IFI35: variants seen among roughly 807,000 people sequenced by gnomAD.
The protein encoded by IFI35 is interferon induced protein 35.
IFI35 carries 30 observed loss-of-function variants against 28.6 expected under a neutral mutation model. The observed-to-expected ratio is 1.05, with a 90% CI of 0.79 to 1.43. The LOEUF is 1.43. Ranked by LOEUF, IFI35 falls within the 40% of genes most tolerant of loss-of-function variation. IFI35 has a pLI of 0.00. For missense variants in IFI35, 372 were observed against 356.9 expected (o/e 1.04, Z -0.34); for synonymous variants, 146 against 154.8 (o/e 0.94, Z 0.42).
chr17:43,011,473 C>A (rs1312542297), intron 1 of IFI35, among the ~76,000 whole-genome samples: 1 of 151,820 alleles, frequency 6.6e-6, no homozygotes, highest in Non-Finnish European at 1.5e-5. Flanking sequence ...GAGCCAAGAT[C>A]GCGCCACTGC....
intron 5 of IFI35, 42 bp downstream of exon 5, chr17:43,013,704 G>A (rs1253053442): frequency 3.7e-6 from 6 of 1,611,002 alleles, no homozygotes; most frequent in Non-Finnish European, 5.1e-6. Context: ...AGGGTATAGG[G>A]TGTGCAAGAT....
At position 43,007,847 on chromosome 17, in the gene IFI35, TTATATATA is replaced by T. The variant is rs68028192; in HGVS notation, c.21+898_21+905del. ...TCTCACACACACACACACACAAAATTTATATATATATATATATATATATATACTATAAG... is the reference window on the plus strand; with the variant it reads ...TCTCACACACACACACACACAAAATTTATATATATATATATATACTATAAG... On this transcript the variant is annotated intron_variant, in intron 1 of 6. Coordinates refer to ENST00000415816, the MANE Select transcript of IFI35 (RefSeq NM_001330230.2). Among the ~76,000 whole-genome samples the T allele has an allele frequency of 1.1e-4, 13 of 119,034 alleles. 1 individual carries two copies. Among genetic ancestry groups the T allele is most frequent in the African/African-American group, 4.2e-4 (11 of 25,982 alleles). 78.1% of individuals were successfully genotyped at this position (119,034 alleles called of 152,430 possible).
chr17:43,009,237 G>A (rs972020322), intron 1 of IFI35, among the ~76,000 whole-genome samples: 3 of 152,104 alleles, frequency 2.0e-5, no homozygotes, highest in Admixed American at 2.0e-4. Flanking sequence ...GGGCTCAAGC[G>A]ATCTGCCTCC....
rs1198265681 is a variant in IFI35 at position 43,011,971 on chromosome 17, C to T, written c.22-208C>T. ...TCATGGACGCTGCAAAGGCTCCTGC[C>T]CTTTCAAGAGCAGCTGAGATGAGGC... On this transcript the variant is annotated intron_variant, in intron 1 of 6. Coordinates refer to ENST00000415816, the MANE Select transcript of IFI35 (RefSeq NM_001330230.2). The T allele has an allele frequency of 5.0e-5, 20 of 396,866 alleles. No homozygotes were observed. The East Asian group carries it at 8.1e-4, about 16-fold the overall frequency. The allele number at this position is 396,866 out of a possible 1,614,324, so 24.6% of individuals were successfully genotyped here.
rs2050498922 is a variant in IFI35 at position 43,014,212 on chromosome 17, C to T, written c.774C>T (p.Pro258=). The change falls in exon 7 of 7, where the codon CCC becomes CCT. Residue 258 remains proline (P), a synonymous_variant. Coordinates refer to ENST00000415816, the MANE Select transcript of IFI35 (RefSeq NM_001330230.2). Reference sequence around the variant, plus strand: ...TCCTGGAGATCCACTTCCAGAAGCCCACCCGCGGGGGCGGGGAGGTAGAGG... The same window carrying T: ...TCCTGGAGATCCACTTCCAGAAGCCTACCCGCGGGGGCGGGGAGGTAGAGG... ...HDVLEIHFQK[P]TRGGGEVEAL... The T allele has an allele frequency of 6.2e-7, 1 of 1,613,476 alleles. No individual in the cohort carries two copies. Among genetic ancestry groups the T allele is most frequent in the African/African-American group, 1.3e-5 (1 of 74,904 alleles).
rs566447300 is a variant in IFI35, at chr17:43,008,032, C to G, written c.21+1064C>G. 1.1e-3 allele frequency among the ~76,000 whole-genome samples: 160 copies of G among 148,396 alleles called. 1 individual carries two copies. Among genetic ancestry groups the G allele is most frequent in the Non-Finnish European group, 7.7e-4 (52 of 67,332 alleles). ...AGAACCCCAGTTCCCCAAGGACAAT[C>G]CCTTTTTTTTTTTTTTTTTTGAGAC... On this transcript the variant is annotated intron_variant, in intron 1 of 6. Coordinates refer to ENST00000415816, the MANE Select transcript of IFI35 (RefSeq NM_001330230.2).
chr17:43,006,971 A>G lies in IFI35; in HGVS notation c.21+3A>G, dbSNP rs1175450284. The G allele has an allele frequency of 1.2e-6, 2 of 1,613,844 alleles. No homozygotes were observed. The highest frequency in any genetic ancestry group is 1.7e-5 in the Admixed American group (1 of 59,990). Reference sequence around the variant, plus strand: ...CCATGTCAGCCCCACTGGATGCCGTAAGTGAGGAGGAGGGAGTTGGGAAGT... The same window carrying G: ...CCATGTCAGCCCCACTGGATGCCGTGAGTGAGGAGGAGGGAGTTGGGAAGT... On this transcript the variant is annotated splice_donor_region_variant and intron_variant, in intron 1 of 6. Coordinates refer to ENST00000415816, the MANE Select transcript of IFI35 (RefSeq NM_001330230.2).
intron 1 of IFI35, among the ~76,000 whole-genome samples, chr17:43,010,474 G>A (rs549852342): frequency 7.9e-5 from 12 of 152,268 alleles, no homozygotes; most frequent in African/African-American, 2.9e-4. Context: ...ACTTTAGAAA[G>A]GACATGCTCT....
At chr17:43,009,082 T>A (rs997567266) in intron 1 of IFI35, among the ~76,000 whole-genome samples, 4 of 152,006 alleles carry the variant, frequency 2.6e-5, no homozygotes, top group Non-Finnish European at 4.4e-5. Flanking sequence ...TGCAGCCACC[T>A]CCACCTCTAG....
intron 2 of IFI35, 52 bp downstream of exon 2, chr17:43,012,329 G>A (rs1323213599): frequency 7.2e-7 from 1 of 1,379,334 alleles, no homozygotes. Context: ...GCGAGGCCGG[G>A]TGCGGTGGCT....
chr17:43,007,667 AAC>A (rs1480597237), intron 1 of IFI35, among the ~76,000 whole-genome samples: 1 of 149,752 alleles, frequency 6.7e-6, no homozygotes, highest in Non-Finnish European at 1.5e-5. Flanking sequence ...CTCTACTAAA[AAC>A]ACAAAAATTA....
intron 1 of IFI35, among the ~76,000 whole-genome samples, chr17:43,010,357 C>T (rs1243517069): frequency 6.6e-6 from 1 of 152,204 alleles, no homozygotes; most frequent in African/African-American, 2.4e-5. Flanking sequence ...GGAGCAATTG[C>T]ACTCCAGCCT....
chr17:43,009,923 A>G (rs2050442792), intron 1 of IFI35, among the ~76,000 whole-genome samples: 1 of 149,644 alleles, frequency 6.7e-6, no homozygotes, highest in Non-Finnish European at 1.5e-5. Flanking sequence ...ACAGAGGGAG[A>G]CTCCGTCTCA....
chr17:43,007,099 A>C, intron 1 of IFI35, 131 bp downstream of exon 1: 2 of 994,356 alleles, frequency 2.0e-6, no homozygotes, highest in Non-Finnish European at 3.2e-6. Flanking sequence ...AGGGCTGGGG[A>C]GAAACACAGG....
intron 1 of IFI35, among the ~76,000 whole-genome samples, chr17:43,007,496 CTCTG>C (rs1364212717): frequency 1.4e-5 from 2 of 142,038 alleles, no homozygotes; most frequent in Non-Finnish European, 3.0e-5. Context: ...CACAGCGAGA[CTCTG>C]TCTAAAAAAA....
At chr17:43,007,023 T>C in intron 1 of IFI35, 55 bp downstream of exon 1, 1 of 1,586,244 alleles carries the variant, frequency 6.3e-7, no homozygotes, top group Non-Finnish European at 8.7e-7. Flanking sequence ...TCCTCTTGGC[T>C]AGGAACCTGC....
At chr17:43,009,889 C>A (rs1051809112) in intron 1 of IFI35, among the ~76,000 whole-genome samples, 1 of 150,160 alleles carries the variant, frequency 6.7e-6, no homozygotes, top group Non-Finnish European at 1.5e-5. Flanking sequence ...GCCGATATTG[C>A]GCCACTGCAC....
intron 5 of IFI35, 43 bp from the exon 6 acceptor site, chr17:43,013,733 G>A (rs774459694): frequency 1.9e-6 from 3 of 1,610,110 alleles, no homozygotes; most frequent in South Asian, 2.2e-5. Context: ...AGGGAGAGGA[G>A]AGGGCTTGAT....
Position 43,014,361 on chromosome 17 carries a change from G to A in IFI35, c.*62G>A. On this transcript the variant is annotated 3_prime_UTR_variant, in exon 7 of 7. Transcript: ENST00000415816. ...AGGTTCTCACACTGGCCTGGGCTTGGGTGCCCATATAGGAGGTCTGTATGT... is the reference window on the plus strand; with the variant it reads ...AGGTTCTCACACTGGCCTGGGCTTGAGTGCCCATATAGGAGGTCTGTATGT... 1.6e-6 allele frequency: 2 copies of A among 1,281,816 alleles called. No homozygotes were observed. The highest frequency in any genetic ancestry group is 1.5e-5 in the South Asian group (1 of 66,970). The allele number at this position is 1,281,816 out of a possible 1,614,324, so 79.4% of individuals were successfully genotyped here. A position where few individuals can be genotyped will look rare whatever the true frequency, so the allele number is the denominator to read the frequency against.
Sources: allele counts gnomAD v4.1 joint callset (sites outside exome capture counted in the v4.1 genomes callset), GRCh38; gene constraint gnomAD v4.1.1; transcripts MANE v1.5; gene names NCBI Gene and HGNC (gene_info 2026-07-23, HGNC 2026-07-21).